The following CSMD1 variants were observed in gnomAD, a reference collection of about 807,000 sequenced individuals.
CSMD1 encodes CUB and Sushi multiple domains 1.
Under a neutral mutation model 417.5 loss-of-function variants are expected in CSMD1, and 213 were observed. The observed-to-expected ratio is 0.51, with a 90% CI of 0.46 to 0.57. The LOEUF (loss-of-function observed/expected upper bound fraction) is 0.57. Among genes scored for constraint, CSMD1 ranks in the 20% least tolerant of loss-of-function variants. The probability of loss-of-function intolerance (pLI) is 0.00; values close to 1 mark genes in which losing one functional copy is unlikely to be tolerated. For synonymous variants in CSMD1, 2,862 were observed against 1,736.8 expected, an observed-to-expected ratio of 1.65 and a Z score of -16.11; for missense variants, 6,923 against 4,529.7, an observed-to-expected ratio of 1.53 and a Z score of -15.17.
chr8:3,819,152 T>A (rs1447499874), intron 5 of CSMD1, among the ~76,000 whole-genome samples: 6 of 152,148 alleles, frequency 3.9e-5, no homozygotes, highest in Admixed American at 3.3e-4. Context: ...CGGAAAGGAA[T>A]CTGACATCAG....
At chr8:4,066,067 G>A (rs574637040) in intron 3 of CSMD1, among the ~76,000 whole-genome samples, 1 of 152,216 alleles carries the variant, frequency 6.6e-6, no homozygotes, top group African/African-American at 2.4e-5. Flanking sequence ...GCCTGGAATA[G>A]GTGGCTCATT....
intron 3 of CSMD1, among the ~76,000 whole-genome samples, chr8:4,283,091 T>C (rs1017006583): frequency 6.6e-6 from 1 of 152,218 alleles, no homozygotes; most frequent in African/African-American, 2.4e-5. Flanking sequence ...CATCCTGTTT[T>C]TTAGCAGACT....
chr8:3,940,871 C>T (rs184389665), intron 5 of CSMD1, among the ~76,000 whole-genome samples: 1 of 96,222 alleles, frequency 1.0e-5, no homozygotes, highest in African/African-American at 4.3e-5. Flanking sequence ...ACGCTTCTTC[C>T]TTATGCCATC....
intron 23 of CSMD1, among the ~76,000 whole-genome samples, chr8:3,316,258 C>G (rs1805749278): frequency 6.6e-6 from 1 of 152,082 alleles, no homozygotes. Flanking sequence ...CACCATGTGC[C>G]CTGTGCCCCA....
intron 16 of CSMD1, 138 bp from the exon 17 acceptor site, chr8:3,396,519 A>T: frequency 1.7e-6 from 1 of 605,186 alleles, no homozygotes; most frequent in Non-Finnish European, 2.8e-6. Context: ...TATGCTTAAA[A>T]CTTGGGTACA....
At chr8:2,963,973 G>T (rs373311193) in intron 59 of CSMD1, among the ~76,000 whole-genome samples, 1 of 152,306 alleles carries the variant, frequency 6.6e-6, no homozygotes, top group South Asian at 2.1e-4. Flanking sequence ...GGGCTGAGAA[G>T]CAAGCACGTG....
rs530849473 is a variant in CSMD1, at chr8:4,635,249, T to A, written c.302+2093A>T. On this transcript the variant is annotated intron_variant, in intron 2 of 69. Coordinates refer to ENST00000635120, the MANE Select transcript of CSMD1 (RefSeq NM_033225.6). ...ACATACAACTCACAATAAAGCTCTC[T>A]GAGGCACAGGTATCAATTTATTTAC... Among the ~76,000 whole-genome samples the A allele has an allele frequency of 6.6e-5, 10 of 152,282 alleles. No individual in the cohort carries two copies. The East Asian group carries it at 1.2e-3, about 18-fold the overall frequency.
At chr8:4,180,672 C>G (rs189537831) in intron 3 of CSMD1, among the ~76,000 whole-genome samples, 1 of 152,006 alleles carries the variant, frequency 6.6e-6, no homozygotes, top group African/African-American at 2.4e-5. Flanking sequence ...CAGCACTGGC[C>G]ATATGAAAGG....
intron 3 of CSMD1, among the ~76,000 whole-genome samples, chr8:4,345,004 A>T (rs1800699250): frequency 7.8e-6 from 1 of 128,360 alleles, no homozygotes; most frequent in African/African-American, 4.9e-5. Context: ...CCAATGTTTC[A>T]TTCTTTCTAA....
chr8:4,647,029 C>G (rs1237417894), intron 1 of CSMD1, among the ~76,000 whole-genome samples: 2 of 152,160 alleles, frequency 1.3e-5, no homozygotes, highest in African/African-American at 4.8e-5. Flanking sequence ...CGGCCCTCCT[C>G]TAGGCCATCC....
intron 9 of CSMD1, among the ~76,000 whole-genome samples, chr8:3,585,768 G>A (rs1028847190): frequency 2.6e-5 from 4 of 152,060 alleles, no homozygotes; most frequent in Non-Finnish European, 4.4e-5. Flanking sequence ...ACTGCAATAG[G>A]AAAGTGAACA....
chr8:4,445,044 C>G (rs78200966), intron 2 of CSMD1, among the ~76,000 whole-genome samples: 275 of 152,328 alleles, frequency 1.8e-3, no homozygotes, highest in African/African-American at 6.4e-3. Flanking sequence ...ATTGAAATCA[C>G]TGCACATTTA....
At chr8:2,939,204 T>G (rs183864257) in intron 69 of CSMD1, among the ~76,000 whole-genome samples, 101 of 152,358 alleles carry the variant, frequency 6.6e-4, no homozygotes, top group African/African-American at 2.3e-3. Flanking sequence ...TTATCACTGA[T>G]AAGTTATACG....
chr8:4,601,412 T>C (rs965307245), intron 2 of CSMD1, among the ~76,000 whole-genome samples: 2 of 152,180 alleles, frequency 1.3e-5, no homozygotes, highest in African/African-American at 4.8e-5. Flanking sequence ...AGGATAGTTC[T>C]TCACAGCCTC....
intron 1 of CSMD1, among the ~76,000 whole-genome samples, chr8:4,666,315 A>ATTT (rs1804928213): frequency 6.6e-6 from 1 of 152,190 alleles, no homozygotes; most frequent in African/African-American, 2.4e-5. Flanking sequence ...GAATAGCCAG[A>ATTT]TGGGCCCAAT....
intron 8 of CSMD1, among the ~76,000 whole-genome samples, chr8:3,616,427 T>C (rs1042278379): frequency 6.6e-6 from 1 of 152,178 alleles, no homozygotes; most frequent in East Asian, 1.9e-4. Flanking sequence ...TCCTCAACCA[T>C]GCTGAACTAT....
Position 3,683,429 on chromosome 8 carries a change from T to C in CSMD1, c.1009+24985A>G, listed in dbSNP as rs1799772125. On this transcript the variant is annotated intron_variant, in intron 7 of 69. Coordinates refer to ENST00000635120, the MANE Select transcript of CSMD1 (RefSeq NM_033225.6). ...AATTACAGGCAATGGTTTGAAACTA[T>C]CTGCCTAAAGGGAATTCAGAATTAG... is the stretch of plus-strand genomic sequence containing the variant. Among the ~76,000 whole-genome samples, 4 of 152,186 alleles carry C rather than the reference T, an allele frequency of 2.6e-5. No individual in the cohort carries two copies. In the East Asian group the frequency reaches 5.8e-4, roughly 22 times the overall value.
At chr8:2,979,448 G>C (rs981493851) in intron 54 of CSMD1, among the ~76,000 whole-genome samples, 3 of 152,198 alleles carry the variant, frequency 2.0e-5, no homozygotes, top group Non-Finnish European at 2.9e-5. Context: ...ATGCCTGTTG[G>C]CGTCTGTGAG....
At chr8:3,335,630 C>A (rs1039465064) in intron 23 of CSMD1, among the ~76,000 whole-genome samples, 1 of 152,056 alleles carries the variant, frequency 6.6e-6, no homozygotes. Context: ...GAGTCGAGCT[C>A]GTGCCATTGC....
Sources: allele counts gnomAD v4.1 joint callset (sites outside exome capture counted in the v4.1 genomes callset), GRCh38; gene constraint gnomAD v4.1.1; transcripts MANE v1.5; gene names NCBI Gene and HGNC (gene_info 2026-07-23, HGNC 2026-07-21).